SLC8A3: variants seen among roughly 807,000 people sequenced by gnomAD.
SLC8A3 encodes sodium/calcium exchanger 3.
A neutral mutation model predicts 65.4 loss-of-function variants in SLC8A3; 37 were observed. The ratio of observed to expected loss-of-function variants is 0.57; its 90% CI spans 0.44 to 0.74. SLC8A3 has a LOEUF of 0.74. Among genes scored for constraint, SLC8A3 ranks in the 30% least tolerant of loss-of-function variants. The probability of loss-of-function intolerance (pLI) is 0.00; values close to 1 mark genes in which losing one functional copy is unlikely to be tolerated. For synonymous variants in SLC8A3, 461 were observed against 444.5 expected (o/e 1.04, Z -0.47); for missense variants, 1,112 against 1,172.1 (o/e 0.95, Z 0.75).
chr14:70,184,129 G>T (rs1259696209), intron 1 of SLC8A3, among the ~76,000 whole-genome samples: 3 of 151,962 alleles, frequency 2.0e-5, no homozygotes, highest in African/African-American at 7.3e-5. Context: ...CCAAATAGTC[G>T]CTACCCATGA....
rs771418729 is a variant in SLC8A3, at chr14:70,051,018, G to A, written c.2103C>T (p.Thr701=). The A allele has an allele frequency of 5.0e-6, 8 of 1,609,266 alleles. No individual in the cohort carries two copies. In the South Asian group the frequency reaches 6.6e-5, roughly 13 times the overall value. The change falls in exon 5 of 7, where the codon ACC becomes ACT. Residue 701 remains threonine (T), a synonymous_variant. Transcript: ENST00000356921. ...TGAGACACTTCTCACCTGCACTGAC[G>A]GTGATGGCCTCCATGAACTGGTCCC... ...SWRDQFMEAI[T]VSAAGDEDED...
chr14:70,066,511 G>C (rs903794096), intron 2 of SLC8A3, among the ~76,000 whole-genome samples: 3 of 152,026 alleles, frequency 2.0e-5, no homozygotes, highest in African/African-American at 7.2e-5. Flanking sequence ...TTAAGACCCA[G>C]ATCAAAACAC....
chr14:70,108,036 AC>A (rs1892996345), intron 2 of SLC8A3, among the ~76,000 whole-genome samples: 1 of 151,344 alleles, frequency 6.6e-6, no homozygotes, highest in African/African-American at 2.5e-5. Flanking sequence ...CCTCATGTCC[AC>A]TTCAGTGTAG....
At chr14:70,117,867 G>T (rs1022460652) in intron 2 of SLC8A3, among the ~76,000 whole-genome samples, 1 of 152,108 alleles carries the variant, frequency 6.6e-6, no homozygotes, top group African/African-American at 2.4e-5. Context: ...GCTCAATCAA[G>T]TCATTCAAAC....
At chr14:70,096,159 G>A (rs1892165355) in intron 2 of SLC8A3, among the ~76,000 whole-genome samples, 2 of 152,154 alleles carry the variant, frequency 1.3e-5, no homozygotes, top group African/African-American at 4.8e-5. Context: ...TCGGATTACA[G>A]GTGTGAGCCA....
In SLC8A3 at chr14:70,046,239, T is replaced by C. The variant is rs199965464; in HGVS notation, c.2474A>G (p.Asn825Ser). 4.5e-5 allele frequency: 73 copies of C among 1,614,178 alleles called. 1 individual carries two copies. The East Asian group carries it at 1.5e-3, about 34-fold the overall frequency. Residue 825 changes from asparagine to serine, a missense_variant, in exon 7 of 7, where the codon AAT becomes AGT. Transcript: ENST00000356921. The surrounding 1 kb of genome is among the most constrained non-coding windows in gnomAD (Gnocchi z 4.2). ...IGNVTGSNAV[N>S]VFLGIGLAWS... ...GGCCAGGCCGATGCCCAGGAAGACA[T>C]TGACGGCGTTGCTGCCCGTCACGTT... is the stretch of plus-strand genomic sequence containing the variant.
intron 2 of SLC8A3, among the ~76,000 whole-genome samples, chr14:70,140,774 T>G (rs1489466666): frequency 6.6e-6 from 1 of 152,248 alleles, no homozygotes; most frequent in Non-Finnish European, 1.5e-5. Context: ...TGACCTCCTA[T>G]AGCATCTATG....
At chr14:70,060,096 C>G (rs2125744) in intron 3 of SLC8A3, 55,346 of 152,736 alleles carry the variant, frequency 0.36, 10,112 homozygotes, top group East Asian at 0.45. Context: ...CTCTCTCTCT[C>G]AGAGCTCTCA....
chr14:70,181,464 G>A (rs1400457922), intron 1 of SLC8A3, among the ~76,000 whole-genome samples: 32 of 89,114 alleles, frequency 3.6e-4, no homozygotes, highest in African/African-American at 1.2e-3. Context: ...TAAGCCACAC[G>A]CAAAAAAAAA....
intron 2 of SLC8A3, among the ~76,000 whole-genome samples, chr14:70,130,944 T>C (rs1201384956): frequency 6.6e-6 from 1 of 152,180 alleles, no homozygotes; most frequent in South Asian, 2.1e-4. Flanking sequence ...CAGATTTGAA[T>C]CTTCACAATA....
At chr14:70,170,779 A>G (rs1897479663) in intron 1 of SLC8A3, among the ~76,000 whole-genome samples, 1 of 152,168 alleles carries the variant, frequency 6.6e-6, no homozygotes, top group Non-Finnish European at 1.5e-5. Flanking sequence ...CTGAGGATTT[A>G]CTTGGTTTAA....
At chr14:70,071,548 C>CCA (rs1187185111) in intron 2 of SLC8A3, among the ~76,000 whole-genome samples, 1 of 152,134 alleles carries the variant, frequency 6.6e-6, no homozygotes, top group African/African-American at 2.4e-5. Flanking sequence ...ACGGGGACCT[C>CCA]CAACCTCAAG....
chr14:70,142,352 G>A (rs1169081335), intron 2 of SLC8A3, among the ~76,000 whole-genome samples: 1 of 152,244 alleles, frequency 6.6e-6, no homozygotes, highest in Non-Finnish European at 1.5e-5. Context: ...GATGTGGGGT[G>A]AGGGTGGTGG....
intron 2 of SLC8A3, among the ~76,000 whole-genome samples, chr14:70,094,992 G>A (rs1892064594): frequency 6.6e-6 from 1 of 152,194 alleles, no homozygotes; most frequent in South Asian, 2.1e-4. Flanking sequence ...TCCACATCCT[G>A]GCTCAGGTGC....
At chr14:70,095,662 T>C (rs991829251) in intron 2 of SLC8A3, among the ~76,000 whole-genome samples, 4 of 152,138 alleles carry the variant, frequency 2.6e-5, no homozygotes, top group African/African-American at 4.8e-5. Flanking sequence ...ATATGTAAAC[T>C]TGGGAGGGTG....
intron 2 of SLC8A3, among the ~76,000 whole-genome samples, chr14:70,151,823 G>A (rs1391679466): frequency 6.6e-6 from 1 of 152,030 alleles, no homozygotes; most frequent in Non-Finnish European, 1.5e-5. Flanking sequence ...AGCAATCCTT[G>A]GAGTTCCTTG....
Position 70,147,292 on chromosome 14 carries a change from T to A in SLC8A3, c.1784+19347A>T, listed in dbSNP as rs536114414. On this transcript the variant is annotated intron_variant, in intron 2 of 6. Transcript: ENST00000356921. ...TCATTTAGTCTTTGTCATAGCCTTA[T>A]ATGGCTGATCTTATTGTCCTTTTAT... 7.9e-5 allele frequency among the ~76,000 whole-genome samples: 12 copies of A among 152,342 alleles called. No individual in the cohort carries two copies. In the South Asian group the frequency reaches 2.3e-3, roughly 29 times the overall value.
chr14:70,109,472 TA>T (rs1491059838), intron 2 of SLC8A3, among the ~76,000 whole-genome samples: 4 of 129,988 alleles, frequency 3.1e-5, no homozygotes, highest in African/African-American at 1.1e-4. Flanking sequence ...TATATATATA[TA>T]AAACAGAGTC....
At chr14:70,177,848 A>G (rs1898000561) in intron 1 of SLC8A3, among the ~76,000 whole-genome samples, 1 of 152,190 alleles carries the variant, frequency 6.6e-6, no homozygotes. Flanking sequence ...TAGAGTGATG[A>G]CAGTGTGGGA....
Sources: allele counts gnomAD v4.1 joint callset (sites outside exome capture counted in the v4.1 genomes callset), GRCh38; gene constraint gnomAD v4.1.1; non-coding constraint Gnocchi (gnomAD v3.1); transcripts MANE v1.5; gene names NCBI Gene and HGNC (gene_info 2026-07-23, HGNC 2026-07-21).